Variants in DDX42 observed in about 807,000 individuals in gnomAD.
DDX42 encodes the protein DEAD-box helicase 42, also known as ATP-dependent RNA helicase DDX42.
DDX42 carries 22 observed loss-of-function variants against 101.5 expected under a neutral mutation model. The observed-to-expected ratio is 0.22, with a 90% CI of 0.15 to 0.31. The LOEUF (loss-of-function observed/expected upper bound fraction) is 0.31, where lower values mean the gene tolerates loss of function less well. DDX42 is among the 10% of genes least tolerant of loss of function. The probability of loss-of-function intolerance (pLI) is 1.00; values close to 1 mark genes in which losing one functional copy is unlikely to be tolerated. For missense variants in DDX42, 849 were observed against 1,199.9 expected, an observed-to-expected ratio of 0.71 and a Z score of 4.32; for synonymous variants, 402 against 401.2, an observed-to-expected ratio of 1.00 and a Z score of -0.02.
At chr17:63,803,807 G>T (rs2039804174) in intron 6 of DDX42, among the ~76,000 whole-genome samples, 1 of 151,010 alleles carries the variant, frequency 6.6e-6, no homozygotes, top group Non-Finnish European at 1.5e-5. Flanking sequence ...GTGCCACTAC[G>T]CCCGGCTAAT....
chr17:63,787,289 T>C lies in DDX42; in HGVS notation c.221+19T>C. The C allele has an allele frequency of 6.2e-7, 1 of 1,612,788 alleles. No homozygotes were observed. Among genetic ancestry groups the C allele is most frequent in the South Asian group, 1.1e-5 (1 of 91,024 alleles). ...AAAATGCGTAAGTGGTAATTCCTGG[T>C]AGTGTAGCAAAGTTTGGACTTTGAT... On this transcript the variant is annotated intron_variant, in intron 2 of 17. Coordinates refer to ENST00000389924, the MANE Select transcript of DDX42 (RefSeq NM_203499.3).
Position 63,792,486 on chromosome 17 carries a change from G to A in DDX42, c.296G>A (p.Arg99His), listed in dbSNP as rs1318406002. The A allele has an allele frequency of 1.9e-6, 3 of 1,613,698 alleles. No homozygotes were observed. The highest frequency in any genetic ancestry group is 1.1e-5 in the South Asian group (1 of 90,990). ...ATTCCTGCTGAAAACTCACCAACTC[G>A]CCAGCAATTCCATTCCAAGCCAGTA... ...PYIPAENSPT[R>H]QQFHSKPVDS... Residue 99 changes from arginine (R) to histidine (H), a missense_variant, in exon 3 of 18, where the codon CGC (arginine) becomes CAC (histidine). Arg to His is a conservative substitution (Grantham distance 29). Around this residue, in one of 5 missense-constraint regions of DDX42, gnomAD observed 370 missense variants for 608.8 expected, o/e 0.61. Transcript: ENST00000389924.
chr17:63,812,678 A>AAT (rs1424269261), intron 14 of DDX42, among the ~76,000 whole-genome samples: 1 of 152,126 alleles, frequency 6.6e-6, no homozygotes, highest in Admixed American at 6.5e-5. Flanking sequence ...ACACATTTTA[A>AAT]ATATATATTC....
intron 14 of DDX42, 130 bp downstream of exon 14, chr17:63,812,338 A>T (rs1275790459): frequency 8.6e-7 from 1 of 1,158,322 alleles, no homozygotes; most frequent in African/African-American, 1.6e-5. Flanking sequence ...TCCCCTCCCA[A>T]ACCCCCAAGG....
At chr17:63,792,955 T>C (rs2039646925) in intron 3 of DDX42, among the ~76,000 whole-genome samples, 2 of 152,324 alleles carry the variant, frequency 1.3e-5, no homozygotes, top group South Asian at 4.1e-4. Flanking sequence ...GTTTTAAATG[T>C]TATTTCTTCA....
chr17:63,805,220 G>A (rs1014294446), intron 7 of DDX42, 45 bp downstream of exon 7: 4 of 1,590,922 alleles, frequency 2.5e-6, no homozygotes, highest in Middle Eastern at 1.7e-4. Flanking sequence ...ATGTTAATTA[G>A]TCCAGATTTA....
chr17:63,782,099 T>G (rs2144526135), intron 1 of DDX42, among the ~76,000 whole-genome samples: 1 of 151,990 alleles, frequency 6.6e-6, no homozygotes, highest in African/African-American at 2.4e-5. Flanking sequence ...GCCAACATGG[T>G]GAAACCTGTC....
intron 2 of DDX42, among the ~76,000 whole-genome samples, chr17:63,788,305 T>C (rs2039574596): frequency 7.0e-6 from 1 of 143,108 alleles, no homozygotes; most frequent in Admixed American, 7.3e-5. Flanking sequence ...CTTCAACATC[T>C]GAGTCTTTTT....
Position 63,817,946 on chromosome 17 carries a change from A to G in DDX42, c.2365A>G (p.Asn789Asp). The change falls in exon 18 of 18, where the codon AAC (asparagine) becomes GAC (aspartate). Residue 789 changes from asparagine (N) to aspartate (D), a missense_variant. Around this residue, in one of 5 missense-constraint regions of DDX42, gnomAD observed 300 missense variants for 304.9 expected, o/e 0.98. Transcript: ENST00000389924. ...YPSAGAQGVNNTASGNNSREG... is the reference protein window; with the variant it reads ...YPSAGAQGVNDTASGNNSREG... ...GTCTGCCGGAGCCCAAGGAGTCAAC[A>G]ACACAGCTTCAGGGAATAACAGCCG... 1 of 1,614,168 alleles carries G rather than the reference A, an allele frequency of 6.2e-7. No individual in the cohort carries two copies. Among genetic ancestry groups the G allele is most frequent in the Non-Finnish European group, 8.5e-7 (1 of 1,180,026 alleles).
chr17:63,780,313 A>G (rs1174948901), intron 1 of DDX42, among the ~76,000 whole-genome samples: 1 of 151,490 alleles, frequency 6.6e-6, no homozygotes, highest in East Asian at 1.9e-4. Flanking sequence ...AAAAAAAAAA[A>G]AAAGTAGGAA....
At chr17:63,788,270 C>T (rs1030941626) in intron 2 of DDX42, among the ~76,000 whole-genome samples, 2 of 149,032 alleles carry the variant, frequency 1.3e-5, no homozygotes, top group Non-Finnish European at 3.0e-5. Flanking sequence ...AGGCCGTTGT[C>T]AGAACTGATG....
At chr17:63,794,535 T>C (rs1329717039) in intron 3 of DDX42, among the ~76,000 whole-genome samples, 2 of 151,960 alleles carry the variant, frequency 1.3e-5, no homozygotes, top group Admixed American at 6.6e-5. Context: ...ACTATCACTT[T>C]AGACTATGTG....
intron 6 of DDX42, among the ~76,000 whole-genome samples, chr17:63,802,506 G>A (rs2039783847): frequency 2.0e-5 from 3 of 152,208 alleles, no homozygotes; most frequent in Non-Finnish European, 4.4e-5. Flanking sequence ...AATGGCTCAC[G>A]CCTGTAATTT....
chr17:63,803,869 T>G (rs1199687576), intron 6 of DDX42, among the ~76,000 whole-genome samples: 1 of 151,864 alleles, frequency 6.6e-6, no homozygotes, highest in East Asian at 2.0e-4. Flanking sequence ...AGGCTGGTCT[T>G]GAACTCCTGA....
chr17:63,800,587 T>C lies in DDX42; in HGVS notation c.591T>C (p.Ile197=), dbSNP rs1319181422. 1 of 1,614,136 alleles carries C rather than the reference T, an allele frequency of 6.2e-7. No individual in the cohort carries two copies. The highest frequency in any genetic ancestry group is 1.7e-5 in the Admixed American group (1 of 60,012). The part of the protein sequence containing the change: ...GNPIAPTKKI[I]DPLPPIDHSE... ...CAATTGCACCTACCAAAAAAATCAT[T>C]GATCCTCTTCCCCCCATTGATCATT... Residue 197 remains isoleucine (I), a synonymous_variant, in exon 6 of 18, where the codon ATT becomes ATC. Coordinates refer to ENST00000389924, the MANE Select transcript of DDX42 (RefSeq NM_203499.3).
At chr17:63,799,134 T>G (rs1010696183) in intron 4 of DDX42, among the ~76,000 whole-genome samples, 1 of 152,230 alleles carries the variant, frequency 6.6e-6, no homozygotes. Context: ...AGGTAACTGC[T>G]TTTGGCTGAA....
intron 7 of DDX42, chr17:63,806,118 T>G (rs1314152146): frequency 6.4e-6 from 1 of 155,112 alleles, no homozygotes; most frequent in African/African-American, 2.4e-5. Flanking sequence ...AGACTTGTCT[T>G]ATTTGGAGCC....
intron 5 of DDX42, among the ~76,000 whole-genome samples, chr17:63,799,861 C>G (rs1005536435): frequency 6.6e-6 from 1 of 152,180 alleles, no homozygotes; most frequent in African/African-American, 2.4e-5. Context: ...CAAATACGAG[C>G]TTTATTCAGC....
chr17:63,811,336 CAA>C (rs1177782732), intron 13 of DDX42, 163 bp downstream of exon 13: 4 of 488,788 alleles, frequency 8.2e-6, no homozygotes, highest in Non-Finnish European at 1.4e-5. Flanking sequence ...ATAGACGTAA[CAA>C]GACTGGCAAA....
Sources: allele counts gnomAD v4.1 joint callset (sites outside exome capture counted in the v4.1 genomes callset), GRCh38; gene constraint gnomAD v4.1.1; regional missense constraint gnomAD v4.1.1; transcripts MANE v1.5; gene names NCBI Gene and HGNC (gene_info 2026-07-23, HGNC 2026-07-21).